Variants in CALN1 observed in about 807,000 individuals in gnomAD.
CALN1 encodes the protein calcium-binding protein 8.
A neutral mutation model predicts 30.6 loss-of-function variants in CALN1; 17 were observed. That is an observed-to-expected ratio of 0.56 (90% CI 0.38 to 0.83). The LOEUF (loss-of-function observed/expected upper bound fraction) is 0.83. Ranked by LOEUF, CALN1 falls within the 40% of genes least tolerant of loss-of-function variation. CALN1 has a pLI of 0.00. For synonymous variants in CALN1, 156 were observed against 131.4 expected, an observed-to-expected ratio of 1.19 and a Z score of -1.28; for missense variants, 291 against 354.9, an observed-to-expected ratio of 0.82 and a Z score of 1.45.
At chr7:71,995,235 A>G (rs978704831) in intron 5 of CALN1, among the ~76,000 whole-genome samples, 7 of 152,178 alleles carry the variant, frequency 4.6e-5, no homozygotes, top group Non-Finnish European at 1.0e-4. Context: ...CACGTGATGA[A>G]GAGAGAAGGG....
chr7:72,180,433 C>T (rs376157677), intron 3 of CALN1, among the ~76,000 whole-genome samples: 5 of 151,828 alleles, frequency 3.3e-5, no homozygotes, highest in Non-Finnish European at 5.9e-5. Context: ...ATGCAAACAC[C>T]GTATTTCATT....
intron 5 of CALN1, among the ~76,000 whole-genome samples, chr7:71,848,237 C>T (rs1320512576): frequency 1.3e-5 from 2 of 152,198 alleles, no homozygotes; most frequent in East Asian, 1.9e-4. Context: ...AACAATCCCA[C>T]AGTCAGAAGA....
chr7:72,233,186 T>G (rs1233645321), intron 3 of CALN1, among the ~76,000 whole-genome samples: 2 of 134,634 alleles, frequency 1.5e-5, no homozygotes, highest in Admixed American at 7.7e-5. Flanking sequence ...GATCATTCTG[T>G]AAAAAGGAAA....
At chr7:72,203,812 AT>A (rs907709213) in intron 3 of CALN1, among the ~76,000 whole-genome samples, 18 of 151,216 alleles carry the variant, frequency 1.2e-4, no homozygotes, top group Admixed American at 5.3e-4. Flanking sequence ...GTTTAATAAC[AT>A]TTTTTTTTCT....
chr7:72,069,960 C>T (rs1213041318), intron 4 of CALN1, among the ~76,000 whole-genome samples: 1 of 152,130 alleles, frequency 6.6e-6, no homozygotes, highest in Non-Finnish European at 1.5e-5. Flanking sequence ...AGGTCCTCAC[C>T]AGGAGTGTCC....
chr7:72,289,897 G>C (rs953414463), intron 2 of CALN1, among the ~76,000 whole-genome samples: 1 of 151,636 alleles, frequency 6.6e-6, no homozygotes, highest in Non-Finnish European at 1.5e-5. Flanking sequence ...GGGCAACATA[G>C]CAAGACCTCA....
intron 5 of CALN1, among the ~76,000 whole-genome samples, chr7:71,858,275 C>T (rs1003116404): frequency 3.9e-5 from 6 of 152,072 alleles, no homozygotes; most frequent in Non-Finnish European, 7.4e-5. Flanking sequence ...CATCTCCTGC[C>T]GTGATTGTAA....
At chr7:72,192,699 C>T (rs1790702371) in intron 3 of CALN1, among the ~76,000 whole-genome samples, 2 of 150,370 alleles carry the variant, frequency 1.3e-5, no homozygotes, top group South Asian at 4.2e-4. Flanking sequence ...GGTACATGTG[C>T]ACATTGTGCA....
chr7:72,190,195 A>G (rs62462858), intron 3 of CALN1, among the ~76,000 whole-genome samples: 3 of 152,148 alleles, frequency 2.0e-5, no homozygotes, highest in Non-Finnish European at 4.4e-5. Context: ...GTCTCTACTA[A>G]AAACATACAA....
In CALN1 at chr7:72,258,907, AAAAG is replaced by A. The variant is rs1038076891; in HGVS notation, c.244+19775_244+19778del. ...GTCTCTACTAAAAAGTAAAAAAAAA[AAAAG>A]AAAGAAAGAAAGAAAGAAAATTAGC... On this transcript the variant is annotated intron_variant, in intron 3 of 6. Transcript: ENST00000395275. 7.9e-4 allele frequency among the ~76,000 whole-genome samples: 118 copies of A among 148,782 alleles called. 1 individual carries two copies. The highest frequency in any genetic ancestry group is 1.1e-3 in the Admixed American group (17 of 14,820).
At chr7:71,944,266 G>A (rs1323530700) in intron 5 of CALN1, among the ~76,000 whole-genome samples, 1 of 152,114 alleles carries the variant, frequency 6.6e-6, no homozygotes, top group East Asian at 1.9e-4. Flanking sequence ...GGGCAACATG[G>A]TGGGACCCCA....
intron 6 of CALN1, among the ~76,000 whole-genome samples, chr7:71,794,513 G>A (rs1346667916): frequency 1.3e-5 from 2 of 152,160 alleles, no homozygotes; most frequent in African/African-American, 4.8e-5. Context: ...AGAAGCCCCG[G>A]ACAAATGAAG....
intron 2 of CALN1, among the ~76,000 whole-genome samples, chr7:72,307,773 C>T (rs1799750290): frequency 6.6e-6 from 1 of 152,050 alleles, no homozygotes; most frequent in African/African-American, 2.4e-5. Context: ...GGGATGTCAC[C>T]AGCAGGACAC....
chr7:72,337,304 G>A (rs1378032892), intron 2 of CALN1: 44 of 984,890 alleles, frequency 4.5e-5, no homozygotes, highest in Non-Finnish European at 5.2e-5. Flanking sequence ...CTGCGCCCCA[G>A]CTCCTCCGAG....
intron 5 of CALN1, among the ~76,000 whole-genome samples, chr7:72,019,004 T>C (rs1348184932): frequency 3.7e-5 from 3 of 81,498 alleles, no homozygotes; most frequent in Admixed American, 3.0e-4. Context: ...ATCCAGCTAA[T>C]TTTTTTTTTT....
At chr7:72,300,293 A>G (rs1316928492) in intron 2 of CALN1, among the ~76,000 whole-genome samples, 1 of 152,146 alleles carries the variant, frequency 6.6e-6, no homozygotes, top group Non-Finnish European at 1.5e-5. Context: ...CACAAGTCTG[A>G]AAAAAATAGT....
intron 4 of CALN1, among the ~76,000 whole-genome samples, chr7:72,036,643 A>G (rs1167899261): frequency 2.0e-5 from 3 of 151,798 alleles, no homozygotes; most frequent in African/African-American, 7.2e-5. Context: ...CCATTATTAT[A>G]CTTTTTGGCT....
intron 3 of CALN1, among the ~76,000 whole-genome samples, chr7:72,108,036 G>A (rs1807303213): frequency 6.6e-6 from 1 of 152,164 alleles, no homozygotes; most frequent in Admixed American, 6.6e-5. Context: ...CTCACAGTCT[G>A]GAGGCCAAAA....
chr7:72,196,269 C>T (rs1006726826), intron 3 of CALN1, among the ~76,000 whole-genome samples: 3 of 152,130 alleles, frequency 2.0e-5, no homozygotes, highest in Non-Finnish European at 2.9e-5. Flanking sequence ...AGGCGCATAC[C>T]GCCATGCCTG....
Sources: allele counts gnomAD v4.1 joint callset (sites outside exome capture counted in the v4.1 genomes callset), GRCh38; gene constraint gnomAD v4.1.1; transcripts MANE v1.5; gene names NCBI Gene and HGNC (gene_info 2026-07-23, HGNC 2026-07-21).